AIFM1: variants seen among roughly 807,000 people sequenced by gnomAD.
The protein encoded by AIFM1 is apoptosis inducing factor mitochondria associated 1.
A neutral mutation model predicts 51.7 loss-of-function variants in AIFM1; 3 were observed. The ratio of observed to expected loss-of-function variants is 0.06; its 90% confidence interval spans 0.03 to 0.15. The LOEUF is 0.15. Among genes scored for constraint, AIFM1 ranks in the 10% least tolerant of loss-of-function variants. AIFM1 has a pLI of 1.00. For synonymous variants in AIFM1, 178 were observed against 179.4 expected (o/e 0.99, Z 0.06); for missense variants, 330 against 476.8 (o/e 0.69, Z 2.87).
chrX:130,131,905 C>T, intron 13 of AIFM1, 106 bp from the exon 14 acceptor site: 1 of 1,029,074 alleles, frequency 9.7e-7, no homozygotes, highest in Non-Finnish European at 1.4e-6. Flanking sequence ...CGGAGTTTCA[C>T]TCGTTGCCCA....
intron 7 of AIFM1, 105 bp downstream of exon 7, chrX:130,140,428 T>C (rs1318183442): frequency 4.4e-6 from 3 of 680,443 alleles, no homozygotes; most frequent in Non-Finnish European, 4.8e-6. Flanking sequence ...TCAGAGAGTC[T>C]GGGTTTCCAT....
chrX:130,142,645 T>C (rs2030620298), intron 6 of AIFM1, among the ~76,000 whole-genome samples: 1 of 111,530 alleles, frequency 9.0e-6, no homozygotes, highest in Admixed American at 9.5e-5. Context: ...TGGTATCTGT[T>C]TTATTTTATT....
chrX:130,129,947 T>C (rs1334539387), intron 15 of AIFM1, 23 bp downstream of exon 15: 2 of 1,209,476 alleles, frequency 1.7e-6, no homozygotes, highest in Non-Finnish European at 2.2e-6. Context: ...CATCTTCCTC[T>C]AAGAGTTATG....
chrX:130,138,517 A>G, intron 9 of AIFM1, 76 bp downstream of exon 9: 2 of 741,771 alleles, frequency 2.7e-6, no homozygotes, highest in Non-Finnish European at 4.3e-6. Context: ...TGATCCTGCC[A>G]AACACATCTC....
chrX:130,163,440 T>C (rs1480202360), intron 1 of AIFM1, among the ~76,000 whole-genome samples: 6 of 111,601 alleles, frequency 5.4e-5, no homozygotes, highest in Non-Finnish European at 1.1e-4. Context: ...TTAAAAGCAG[T>C]TAGGAATCAA....
chrX:130,145,447 A>T, intron 6 of AIFM1, 32 bp downstream of exon 6: 1 of 1,100,360 alleles, frequency 9.1e-7, no homozygotes, highest in East Asian at 3.0e-5. Flanking sequence ...AAGTACGTAG[A>T]GCCTGACAAA....
intron 1 of AIFM1, 86 bp from the exon 2 acceptor site, chrX:130,156,689 A>C (rs2031173375): frequency 9.9e-7 from 1 of 1,009,636 alleles, no homozygotes; most frequent in South Asian, 1.9e-5. Context: ...TGCACTGTAC[A>C]AGACTTATTG....
chrX:130,138,997 G>C (rs1288985068), intron 8 of AIFM1, among the ~76,000 whole-genome samples: 2 of 111,164 alleles, frequency 1.8e-5, no homozygotes, highest in Admixed American at 1.9e-4. Context: ...AGCATTTAGT[G>C]TGCAGAGGCC....
chrX:130,160,981 G>A (rs2031329371), intron 1 of AIFM1, among the ~76,000 whole-genome samples: 1 of 111,133 alleles, frequency 9.0e-6, no homozygotes, highest in East Asian at 2.8e-4. Flanking sequence ...ATTTATTTTA[G>A]GTTGCTTAAT....
chrX:130,155,541 G>GA (rs2031136071), intron 2 of AIFM1, among the ~76,000 whole-genome samples: 1 of 112,322 alleles, frequency 8.9e-6, no homozygotes, highest in Non-Finnish European at 1.9e-5. Flanking sequence ...GTCCGTTTGG[G>GA]AGTCACATCA....
rs769816388 is a variant in AIFM1 at position 130,131,747 on chromosome X, T to A, written c.1501A>T (p.Ser501Cys). 14 of 1,210,143 alleles carry A rather than the reference T, an allele frequency of 1.2e-5. No homozygotes were observed. Among genetic ancestry groups the A allele is most frequent in the Non-Finnish European group, 1.5e-5 (13 of 894,832 alleles). ...GYEAIGLVDS[S>C]LPTVGVFAKA... ...GCAAAAACACCAACTGTGGGCAAAC[T>A]ACTGTCCACAAGACCAATAGCTTCA... Residue 501 changes from serine to cysteine, a missense_variant, in exon 14 of 16, where the codon AGT (serine) becomes TGT (cysteine). Coordinates refer to ENST00000287295, the MANE Select transcript of AIFM1 (RefSeq NM_004208.4).
intron 5 of AIFM1, 117 bp from the exon 6 acceptor site, chrX:130,145,686 A>C (rs887039111): frequency 1.3e-5 from 7 of 536,608 alleles, no homozygotes; most frequent in Admixed American, 8.3e-5. Flanking sequence ...TTTCCAAAGT[A>C]AGTCTCCAAG....
intron 1 of AIFM1, among the ~76,000 whole-genome samples, chrX:130,159,663 TAC>T (rs1845417637): frequency 9.1e-6 from 1 of 109,930 alleles, no homozygotes; most frequent in Non-Finnish European, 1.9e-5. Flanking sequence ...AGACCCTAAA[TAC>T]AGACATTATA....
At chrX:130,138,511 C>T (rs2124655046) in intron 9 of AIFM1, 82 bp downstream of exon 9, 1 of 701,936 alleles carries the variant, frequency 1.4e-6, no homozygotes, top group Non-Finnish European at 2.3e-6. Context: ...TCCTACTGAT[C>T]CTGCCAAACA....
intron 1 of AIFM1, among the ~76,000 whole-genome samples, chrX:130,158,704 TAAAAAAAAAAAAAA>T (rs56253125): frequency 2.3e-5 from 1 of 44,078 alleles, no homozygotes; most frequent in Non-Finnish European, 4.0e-5. Context: ...GCTGATGAGC[TAAAAAAAAAAAAAA>T]AAAAAAAAAA....
At chrX:130,148,920 G>T (rs1309592849) in intron 3 of AIFM1, among the ~76,000 whole-genome samples, 2 of 77,191 alleles carry the variant, frequency 2.6e-5, no homozygotes, top group Non-Finnish European at 4.7e-5. Flanking sequence ...CCTTTTAAGA[G>T]ACTTTTTTTT....
chrX:130,149,545 A>G lies in AIFM1; in HGVS notation c.273T>C (p.Asp91=), dbSNP rs1139851. ...GAYAYKTMKE[D]EKRYNERISG... ...AAATTCTTTCATTGTATCTTTTTTC[A>G]TCCTCTTTCATAGTCTTGTAGGCCT... The change falls in exon 3 of 16, where the codon GAT becomes GAC. Residue 91 remains aspartate, a synonymous_variant. Transcript: ENST00000287295. 511,013 of 1,206,323 alleles carry G rather than the reference A, an allele frequency of 0.42. 76,472 individuals carry two copies. The highest frequency in any genetic ancestry group is 0.72 in the African/African-American group (40,774 of 56,716).
At chrX:130,136,257 C>A in intron 11 of AIFM1, 72 bp from the exon 12 acceptor site, 1 of 1,112,372 alleles carries the variant, frequency 9.0e-7, no homozygotes, top group Non-Finnish European at 1.2e-6. Context: ...AACAATGGCC[C>A]TTCATGCCAT....
intron 2 of AIFM1, 54 bp from the exon 3 acceptor site, chrX:130,149,622 G>C (rs1393510991): frequency 1.2e-6 from 1 of 851,838 alleles, no homozygotes; most frequent in Admixed American, 2.2e-5. Context: ...AGCTCATACT[G>C]TAAGTAATAT....
Sources: allele counts gnomAD v4.1 joint callset (sites outside exome capture counted in the v4.1 genomes callset), GRCh38; gene constraint gnomAD v4.1.1; transcripts MANE v1.5; gene names NCBI Gene and HGNC (gene_info 2026-07-23, HGNC 2026-07-21).